The following DNAH6 variants were observed in gnomAD, a reference collection of about 807,000 sequenced individuals.
DNAH6 encodes axonemal beta dynein heavy chain 6.
A neutral mutation model predicts 491.4 loss-of-function variants in DNAH6; 340 were observed. That is an observed-to-expected ratio of 0.69 (90% confidence interval 0.63 to 0.76). The LOEUF (loss-of-function observed/expected upper bound fraction) is 0.76, where lower values mean the gene tolerates loss of function less well. Among genes scored for constraint, DNAH6 ranks in the 30% least tolerant of loss-of-function variants. The probability of loss-of-function intolerance (pLI) is 0.00; values close to 1 mark genes in which losing one functional copy is unlikely to be tolerated. For synonymous variants in DNAH6, 1,603 were observed against 1,686.1 expected, an observed-to-expected ratio of 0.95 and a Z score of 1.21; for missense variants, 4,443 against 4,972.2, an observed-to-expected ratio of 0.89 and a Z score of 3.20.
chr2:84,561,314 C>G (rs1680645906), intron 11 of DNAH6, among the ~76,000 whole-genome samples: 1 of 152,102 alleles, frequency 6.6e-6, no homozygotes, highest in Admixed American at 6.5e-5. Flanking sequence ...ATAAATGGTG[C>G]TGGGAAAACT....
At chr2:84,600,371 A>G (rs1371767291) in intron 18 of DNAH6, among the ~76,000 whole-genome samples, 1 of 152,216 alleles carries the variant, frequency 6.6e-6, no homozygotes. Context: ...CAATGTCAAT[A>G]CGTTATTAGT....
intron 9 of DNAH6, among the ~76,000 whole-genome samples, chr2:84,552,632 T>C (rs959930658): frequency 3.3e-5 from 5 of 152,228 alleles, no homozygotes; most frequent in African/African-American, 1.2e-4. Flanking sequence ...TATTATCAAC[T>C]TTCTATCTTC....
chr2:84,528,883 TCAAAAATTGGCTTTG>T lies in DNAH6; in HGVS notation c.400-20_400-6del. On this transcript the variant is annotated splice_region_variant and splice_polypyrimidine_tract_variant and intron_variant, in intron 3 of 76. Coordinates refer to ENST00000389394, the MANE Select transcript of DNAH6 (RefSeq NM_001370.2). ...GTGTGCAAAGACTCATTTTTTTTTT[TCAAAAATTGGCTTTG>T]TTTAGATTCATCGGCCCTATGTTGA... 1 of 1,513,110 alleles carries T rather than the reference TCAAAAATTGGCTTTG, an allele frequency of 6.6e-7. No individual in the cohort carries two copies. Among genetic ancestry groups the T allele is most frequent in the South Asian group, 1.3e-5 (1 of 77,730 alleles). The allele number at this position is 1,513,110 out of a possible 1,614,324, so 93.7% of individuals were successfully genotyped here.
At chr2:84,502,023 C>G in the DNAH6 span, among the ~76,000 whole-genome samples, 1 of 151,944 alleles carries the variant, frequency 6.6e-6, no homozygotes, top group Non-Finnish European at 1.5e-5. Context: ...GTTACAATTT[C>G]ATTTATTTCT....
At chr2:84,777,714 C>A in intron 64 of DNAH6, 1 of 826,198 alleles carries the variant, frequency 1.2e-6, no homozygotes, top group Non-Finnish European at 2.2e-6. Flanking sequence ...GGGTGAACTC[C>A]CAGCCCTTCC....
rs1380118044 is a variant in DNAH6 at position 84,699,582 on chromosome 2, T to C, written c.7678-12T>C. ...TTATTTTAAACTGAAAAAATAACTT[T>C]CTTTTTGTCAGGTGTTTCAATACTT... On this transcript the variant is annotated splice_polypyrimidine_tract_variant and intron_variant, in intron 47 of 76. Coordinates refer to ENST00000389394, the MANE Select transcript of DNAH6 (RefSeq NM_001370.2). 29 of 1,543,816 alleles carry C rather than the reference T, an allele frequency of 1.9e-5. No individual in the cohort carries two copies. The East Asian group carries it at 4.9e-4, about 26-fold the overall frequency.
At chr2:84,565,736 G>T (rs1368501835) in intron 11 of DNAH6, among the ~76,000 whole-genome samples, 1 of 151,844 alleles carries the variant, frequency 6.6e-6, no homozygotes, top group African/African-American at 2.4e-5. Flanking sequence ...CGTAGGTCTA[G>T]AAGTATTTTT....
chr2:84,556,870 G>A lies in DNAH6; in HGVS notation c.1603-865G>A, dbSNP rs187120153. Among the ~76,000 whole-genome samples the A allele has an allele frequency of 5.3e-5, 8 of 152,258 alleles. No individual in the cohort carries two copies. In the East Asian group the frequency reaches 1.5e-3, roughly 29 times the overall value. The stretch of plus-strand genomic sequence containing the variant: ...TAAGCTTTTTCTCATGTCATTAAAT[G>A]ATTTTTGGGAGATGCCATTTTGTAA... On this transcript the variant is annotated intron_variant, in intron 10 of 76. Coordinates refer to ENST00000389394, the MANE Select transcript of DNAH6 (RefSeq NM_001370.2).
At chr2:84,615,285 T>C (rs780214638) in intron 22 of DNAH6, among the ~76,000 whole-genome samples, 3 of 152,178 alleles carry the variant, frequency 2.0e-5, no homozygotes, top group Non-Finnish European at 2.9e-5. Context: ...ATTTGTTGAA[T>C]AGGGTATCCT....
At chr2:84,703,316 C>T in intron 49 of DNAH6, 79 bp from the exon 50 acceptor site, 1 of 1,034,004 alleles carries the variant, frequency 9.7e-7, no homozygotes, top group Non-Finnish European at 1.3e-6. Flanking sequence ...AAGTCTAATA[C>T]ATGAGTAATA....
chr2:84,634,204 A>G (rs1688656068), intron 29 of DNAH6, among the ~76,000 whole-genome samples: 1 of 152,196 alleles, frequency 6.6e-6, no homozygotes. Flanking sequence ...CATGTGTTAA[A>G]CTATTTGAGA....
intron 18 of DNAH6, among the ~76,000 whole-genome samples, chr2:84,603,345 G>A (rs565521314): frequency 7.2e-5 from 11 of 152,146 alleles, no homozygotes; most frequent in African/African-American, 2.6e-4. Context: ...TGCACCACAG[G>A]CTTCAGATTT....
In DNAH6 at chr2:84,816,077, A is replaced by G; in HGVS notation, c.12367A>G (p.Thr4123Ala). Residue 4123 changes from threonine to alanine, a missense_variant, in exon 76 of 77, where the codon ACC (threonine) becomes GCC (alanine). Thr to Ala is a moderately conservative substitution (Grantham distance 58). Transcript: ENST00000389394. ...KTGARAGTLSTTGHSTNFVVT... is the reference protein window; with the variant it reads ...KTGARAGTLSATGHSTNFVVT... ...AGGAGCCCGGGCAGGAACACTCTCA[A>G]CCACAGGTGAGGATGTTCTTAAGAT... is the stretch of plus-strand genomic sequence containing the variant. 6.5e-7 allele frequency: 1 copy of G among 1,547,630 alleles called. No individual in the cohort carries two copies. Among genetic ancestry groups the G allele is most frequent in the African/African-American group, 1.4e-5 (1 of 72,974 alleles).
At chr2:84,704,780 C>A (rs1430721094) in intron 51 of DNAH6, among the ~76,000 whole-genome samples, 1 of 152,198 alleles carries the variant, frequency 6.6e-6, no homozygotes, top group African/African-American at 2.4e-5. Context: ...CAGATTTCAT[C>A]TTGGAGATAT....
intron 9 of DNAH6, among the ~76,000 whole-genome samples, chr2:84,552,048 C>CA (rs34353031): frequency 0.015 from 1,029 of 70,396 alleles, 9 homozygotes; most frequent in Middle Eastern, 0.023. Flanking sequence ...AACTCCGTCT[C>CA]AAAAAAAAAA....
chr2:84,579,378 C>A, intron 13 of DNAH6, 149 bp from the exon 14 acceptor site: 1 of 809,340 alleles, frequency 1.2e-6, no homozygotes, highest in Non-Finnish European at 1.9e-6. Flanking sequence ...ATTTAACTAG[C>A]AGTGATTTAA....
chr2:84,699,720 G>T lies in DNAH6; in HGVS notation c.7804G>T (p.Asp2602Tyr). The change falls in exon 48 of 77, where the codon GAC (aspartate) becomes TAC (tyrosine). Residue 2602 changes from aspartate to tyrosine, a missense_variant. Asp to Tyr is a radical substitution (Grantham distance 160). This residue lies in a region of DNAH6 where 2,977 missense variants were observed against 3,296.6 expected (regional missense o/e 0.90). Coordinates refer to ENST00000389394, the MANE Select transcript of DNAH6 (RefSeq NM_001370.2). ...FPSLVNCCTIDWFVQWPREAL... is the reference protein window; with the variant it reads ...FPSLVNCCTIYWFVQWPREAL... Reference sequence around the variant, plus strand: ...ATCCCTTGTGAATTGCTGCACCATTGACTGGTTTGTGCAGGTTGGTGACAT... The same window carrying T: ...ATCCCTTGTGAATTGCTGCACCATTTACTGGTTTGTGCAGGTTGGTGACAT... 6.4e-7 allele frequency: 1 copy of T among 1,551,412 alleles called. No individual in the cohort carries two copies. Among genetic ancestry groups the T allele is most frequent in the South Asian group, 1.2e-5 (1 of 83,944 alleles).
chr2:84,633,568 A>G (rs1230725557), intron 29 of DNAH6, among the ~76,000 whole-genome samples: 1 of 151,916 alleles, frequency 6.6e-6, no homozygotes, highest in Non-Finnish European at 1.5e-5. Flanking sequence ...CAACTTGTGT[A>G]TATTGATATT....
chr2:84,497,763 A>G, the DNAH6 span, among the ~76,000 whole-genome samples: 1 of 152,266 alleles, frequency 6.6e-6, no homozygotes, highest in African/African-American at 2.4e-5. Flanking sequence ...CAAAATCATT[A>G]TTGAATAACC....
Sources: allele counts gnomAD v4.1 joint callset (sites outside exome capture counted in the v4.1 genomes callset), GRCh38; gene constraint gnomAD v4.1.1; regional missense constraint gnomAD v4.1.1; transcripts MANE v1.5; gene names NCBI Gene and HGNC (gene_info 2026-07-23, HGNC 2026-07-21).